Variants in C6 observed in about 807,000 individuals in gnomAD.
C6 encodes complement component C6.
A neutral mutation model predicts 112.9 loss-of-function variants in C6; 101 were observed. The ratio of observed to expected loss-of-function variants is 0.89; its 90% CI spans 0.76 to 1.06. The LOEUF (loss-of-function observed/expected upper bound fraction) is 1.06, where lower values mean the gene tolerates loss of function less well. Ranked by LOEUF, C6 falls within the 50% of genes least tolerant of loss-of-function variation. C6 has a pLI of 0.00. For missense variants in C6, 1,202 were observed against 1,104.6 expected (o/e 1.09, Z -1.25); for synonymous variants, 431 against 384.1 (o/e 1.12, Z -1.43).
Position 41,151,038 on chromosome 5 carries a change from A to G in C6, c.2291-1013T>C, listed in dbSNP as rs1338104954. Among the ~76,000 whole-genome samples the G allele has an allele frequency of 2.0e-5, 3 of 152,140 alleles. No individual in the cohort carries two copies. In the East Asian group the frequency reaches 5.8e-4, roughly 29 times the overall value. On this transcript the variant is annotated intron_variant, in intron 15 of 17. Transcript: ENST00000337836. ...TGTGGGAGGCTAATAGGGTCTTTGA[A>G]GGGTTTTGTCTTCATTTTATAAATA...
intron 1 of C6, among the ~76,000 whole-genome samples, chr5:41,210,497 C>G (rs1353525492): frequency 1.3e-5 from 2 of 152,100 alleles, no homozygotes; most frequent in Admixed American, 1.3e-4. Context: ...CCAGAATCTA[C>G]AAAGAACTCA....
At chr5:41,225,353 T>A (rs1273801300) in intron 1 of C6, among the ~76,000 whole-genome samples, 1 of 152,100 alleles carries the variant, frequency 6.6e-6, no homozygotes, top group Non-Finnish European at 1.5e-5. Flanking sequence ...TTGCTGAGAA[T>A]GGTGGTTTCC....
chr5:41,251,551 G>A (rs1741363812), intron 1 of C6, among the ~76,000 whole-genome samples: 1 of 152,152 alleles, frequency 6.6e-6, no homozygotes, highest in Non-Finnish European at 1.5e-5. Flanking sequence ...CCTTGCCCTA[G>A]AAGAAAAGTT....
At chr5:41,252,557 AT>A (rs1434554413) in intron 1 of C6, among the ~76,000 whole-genome samples, 1 of 152,156 alleles carries the variant, frequency 6.6e-6, no homozygotes, top group Non-Finnish European at 1.5e-5. Context: ...AAAGAAAAAT[AT>A]TTTACCTCAA....
rs140129534 is a variant in C6, at chr5:41,181,463, C to T, written c.823G>A (p.Gly275Arg). Residue 275 changes from glycine to arginine, a missense_variant, in exon 7 of 18, where the codon GGG becomes AGG. Transcript: ENST00000337836. ...ENQQGSFSSQ[G>R]GSSFSVPIFY... ...ATTGGTACACTGAAAGAGCTCCCCCCCTGACTTGAGAATGAGCCTTGTTGA... is the reference window on the plus strand; with the variant it reads ...ATTGGTACACTGAAAGAGCTCCCCCTCTGACTTGAGAATGAGCCTTGTTGA... 39 of 1,613,618 alleles carry T rather than the reference C, an allele frequency of 2.4e-5. No homozygotes were observed. The Admixed American group carries it at 5.5e-4, about 23-fold the overall frequency.
At chr5:41,211,964 A>G (rs1580206591) in intron 1 of C6, among the ~76,000 whole-genome samples, 1 of 152,262 alleles carries the variant, frequency 6.6e-6, no homozygotes, top group East Asian at 1.9e-4. Context: ...AACTGCAAAA[A>G]CAGAACCCTT....
intron 9 of C6, among the ~76,000 whole-genome samples, chr5:41,171,028 AAAATG>A (rs1220268589): frequency 2.0e-5 from 3 of 152,184 alleles, no homozygotes; most frequent in African/African-American, 7.2e-5. Context: ...TCCTCTCAAT[AAAATG>A]TGTAGAGTAG....
intron 9 of C6, among the ~76,000 whole-genome samples, chr5:41,167,500 G>A (rs992905216): frequency 6.6e-6 from 1 of 152,116 alleles, no homozygotes; most frequent in Admixed American, 6.6e-5. Flanking sequence ...GCAGGCCTAA[G>A]ATTCCACCAC....
intron 6 of C6, among the ~76,000 whole-genome samples, chr5:41,185,135 C>T (rs1045113548): frequency 6.6e-6 from 1 of 152,112 alleles, no homozygotes; most frequent in African/African-American, 2.4e-5. Context: ...AAAGCCTGTT[C>T]AAATACAATA....
intron 1 of C6, among the ~76,000 whole-genome samples, chr5:41,206,192 A>G (rs1751422047): frequency 1.3e-5 from 2 of 152,218 alleles, no homozygotes; most frequent in African/African-American, 4.8e-5. Context: ...AACATAAAGG[A>G]CATCCACACC....
chr5:41,188,036 C>G, intron 5 of C6, among the ~76,000 whole-genome samples: 1 of 151,924 alleles, frequency 6.6e-6, no homozygotes, highest in East Asian at 1.9e-4. Flanking sequence ...TTATAATAGC[C>G]TCTCAAAGAA....
chr5:41,227,452 A>G (rs892250806), intron 1 of C6, among the ~76,000 whole-genome samples: 1 of 152,114 alleles, frequency 6.6e-6, no homozygotes, highest in African/African-American at 2.4e-5. Flanking sequence ...GGAGATTTAT[A>G]GTTGGATGTA....
At chr5:41,190,936 T>C (rs1312743767) in intron 5 of C6, among the ~76,000 whole-genome samples, 1 of 152,162 alleles carries the variant, frequency 6.6e-6, no homozygotes, top group East Asian at 1.9e-4. Context: ...ATTTCTGGGT[T>C]CTGTATTCGG....
rs575056130 is a variant in C6, at chr5:41,253,888, A to T, written c.-21+7306T>A. On this transcript the variant is annotated intron_variant, in intron 1 of 17. Coordinates refer to the C6 transcript ENST00000263413. ...ATACATTGTATGCAACAGTGAAAAA[A>T]TATTTTGATAATTATGCCCAAAAGG... is the stretch of plus-strand genomic sequence containing the variant. Among the ~76,000 whole-genome samples, 8 of 152,318 alleles carry T rather than the reference A, an allele frequency of 5.3e-5. 2 individuals are homozygous for T. Among genetic ancestry groups the T allele is most frequent in the African/African-American group, 1.9e-4 (8 of 41,568 alleles).
At chr5:41,145,304 ATATGTC>A (rs1217132445) in intron 17 of C6, among the ~76,000 whole-genome samples, 2 of 152,176 alleles carry the variant, frequency 1.3e-5, no homozygotes, top group Non-Finnish European at 2.9e-5. Context: ...TTAGATTTTC[ATATGTC>A]TTTTCCCCAA....
At chr5:41,253,009 G>A (rs1372965628) in intron 1 of C6, among the ~76,000 whole-genome samples, 2 of 152,094 alleles carry the variant, frequency 1.3e-5, no homozygotes, top group Admixed American at 6.5e-5. Context: ...TGTGTTCCAG[G>A]CCATGGTCTG....
intron 7 of C6, among the ~76,000 whole-genome samples, chr5:41,180,210 A>G (rs965539274): frequency 2.6e-5 from 4 of 152,170 alleles, no homozygotes; most frequent in African/African-American, 9.7e-5. Context: ...AGTAGGAGCA[A>G]CCGTAATATG....
At chr5:41,182,438 G>A (rs1474672953) in intron 6 of C6, among the ~76,000 whole-genome samples, 1 of 152,068 alleles carries the variant, frequency 6.6e-6, no homozygotes, top group Non-Finnish European at 1.5e-5. Context: ...AACTTGTCTT[G>A]ATTAAAATGC....
chr5:41,222,266 G>A (rs1048530095), intron 1 of C6, among the ~76,000 whole-genome samples: 12 of 151,590 alleles, frequency 7.9e-5, no homozygotes, highest in Non-Finnish European at 1.5e-4. Context: ...TATATATGTT[G>A]CTAACTTTCA....
Sources: gnomAD v4.1 joint callset for allele counts (sites outside exome capture counted in the v4.1 genomes callset) on GRCh38, gnomAD v4.1.1 for gene constraint, MANE v1.5 for transcripts, NCBI Gene and HGNC (gene_info 2026-07-23, HGNC 2026-07-21) for gene names.